Variants in SLMAP observed in about 807,000 individuals in gnomAD.
The protein encoded by SLMAP is sarcolemmal membrane-associated protein.
A neutral mutation model predicts 128.8 loss-of-function variants in SLMAP; 44 were observed. The ratio of observed to expected loss-of-function variants is 0.34; its 90% CI spans 0.27 to 0.44. The LOEUF (loss-of-function observed/expected upper bound fraction) is 0.44. SLMAP is among the 20% of genes least tolerant of loss of function. The pLI is 1.00. For missense variants in SLMAP, 787 were observed against 985.3 expected, an observed-to-expected ratio of 0.80 and a Z score of 2.69; for synonymous variants, 327 against 348.8, an observed-to-expected ratio of 0.94 and a Z score of 0.70.
At chr3:57,912,021 A>G (rs1273695159) in intron 19 of SLMAP, among the ~76,000 whole-genome samples, 6 of 151,360 alleles carry the variant, frequency 4.0e-5, no homozygotes, top group South Asian at 2.1e-4. Flanking sequence ...AATAAGTTAT[A>G]TATACTATAA....
In SLMAP at chr3:57,853,457, C is replaced by T. The variant is rs529217664; in HGVS notation, c.519+3641C>T. ...CTTCTCTGTTGAGGTGTCTCAGAGG[C>T]GTTAGGGTCATAAGTGTTCCTCTGG... On this transcript the variant is annotated intron_variant, in intron 6 of 24. Coordinates refer to ENST00000671191, the MANE Select transcript of SLMAP (RefSeq NM_001377540.1). Among the ~76,000 whole-genome samples, 8 of 152,120 alleles carry T rather than the reference C, an allele frequency of 5.3e-5. No individual in the cohort carries two copies. The East Asian group carries it at 1.2e-3, about 22-fold the overall frequency.
chr3:57,880,625 C>T (rs115666791), intron 14 of SLMAP, among the ~76,000 whole-genome samples: 1,918 of 151,424 alleles, frequency 0.013, 28 homozygotes, highest in African/African-American at 0.044. Context: ...TGCCTGTAAT[C>T]GTATTACTTC....
chr3:57,869,660 A>ATATATATATATATATATAATAT (rs1553900183), intron 13 of SLMAP, among the ~76,000 whole-genome samples: 1 of 81,392 alleles, frequency 1.2e-5, no homozygotes, highest in African/African-American at 4.7e-5. Context: ...ATATATATAT[A>ATATATATATATATATATAATAT]ATATATATAA....
At chr3:57,822,460 G>A (rs560673750) in intron 2 of SLMAP, among the ~76,000 whole-genome samples, 5 of 152,150 alleles carry the variant, frequency 3.3e-5, no homozygotes, top group South Asian at 2.1e-4. Flanking sequence ...TACTGAGCTC[G>A]CATGAACTGT....
chr3:57,887,437 C>A (rs1424690721), intron 14 of SLMAP, among the ~76,000 whole-genome samples: 4 of 152,086 alleles, frequency 2.6e-5, no homozygotes, highest in Admixed American at 6.5e-5. Flanking sequence ...GTCTCGAACT[C>A]CTGACCTCAG....
intron 13 of SLMAP, among the ~76,000 whole-genome samples, chr3:57,869,630 T>TATATATATATATATATATATA (rs2095420048): frequency 1.3e-5 from 1 of 75,474 alleles, no homozygotes; most frequent in African/African-American, 5.0e-5. Flanking sequence ...CCCATCTCTA[T>TATATATATATATATATATATA]TATATATATA....
At chr3:57,760,162 A>G (rs2078332371) in intron 2 of SLMAP, among the ~76,000 whole-genome samples, 1 of 152,138 alleles carries the variant, frequency 6.6e-6, no homozygotes, top group South Asian at 2.1e-4. Context: ...GTGGTCTTGA[A>G]CGCCTGACCT....
At chr3:57,869,659 T>TATATATATATATAA (rs1213782539) in intron 13 of SLMAP, among the ~76,000 whole-genome samples, 5 of 115,424 alleles carry the variant, frequency 4.3e-5, no homozygotes, top group African/African-American at 1.6e-4. Flanking sequence ...TATATATATA[T>TATATATATATATAA]AATATATATA....
chr3:57,871,210 A>G (rs149542973), intron 13 of SLMAP, among the ~76,000 whole-genome samples: 104 of 152,338 alleles, frequency 6.8e-4, no homozygotes, highest in Admixed American at 2.4e-3. Flanking sequence ...ACTTTATGAT[A>G]TTCTTAAAGT....
rs2097045479 is a variant in SLMAP, at chr3:57,928,898, T to C, written c.*1609T>C. ...AAATGACTTGTAGAAAATACTGTCA[T>C]ATAGTTCATTTCATCATTTTCTGTT... On this transcript the variant is annotated 3_prime_UTR_variant, in exon 25 of 25. Transcript: ENST00000671191. The C allele has an allele frequency of 6.6e-6, 1 of 152,618 alleles. No individual in the cohort carries two copies. The highest frequency in any genetic ancestry group is 2.1e-4 in the South Asian group (1 of 4,828). The allele number at this position is 152,618 out of a possible 1,614,324, so 9.5% of individuals were successfully genotyped here. A position where few individuals can be genotyped will look rare whatever the true frequency, so the allele number is the denominator to read the frequency against.
At position 57,849,688 on chromosome 3, in the gene SLMAP, A is replaced by G. The variant is rs114381335; in HGVS notation, c.457-66A>G. ...TATTTAAGTAAGTAGACATTTCAAG[A>G]AATTGGTTTGTCTTTAATGTTCTTT... On this transcript the variant is annotated intron_variant, in intron 5 of 24. Coordinates refer to ENST00000671191, the MANE Select transcript of SLMAP (RefSeq NM_001377540.1). 4.9e-3 allele frequency: 4,201 copies of G among 855,498 alleles called. 106 individuals are homozygous for G. The African/African-American group carries it at 0.063, about 13-fold the overall frequency. 53.0% of individuals were successfully genotyped at this position (855,498 alleles called of 1,614,324 possible). A position where few individuals can be genotyped will look rare whatever the true frequency, so the allele number is the denominator to read the frequency against.
chr3:57,909,681 C>G lies in SLMAP; in HGVS notation c.1699+531C>G, dbSNP rs550081311. ...AGGCTGGAGTACAATGGCGCGGTCTCACCTTACTGCAACCTCCGCCTCCCA... is the reference window on the plus strand; with the variant it reads ...AGGCTGGAGTACAATGGCGCGGTCTGACCTTACTGCAACCTCCGCCTCCCA... On this transcript the variant is annotated intron_variant, in intron 19 of 24. Coordinates refer to ENST00000671191, the MANE Select transcript of SLMAP (RefSeq NM_001377540.1). 1.5e-3 allele frequency among the ~76,000 whole-genome samples: 221 copies of G among 151,758 alleles called. 1 individual carries two copies. The highest frequency in any genetic ancestry group is 4.9e-3 in the African/African-American group (204 of 41,432).
rs557161662 is a variant in SLMAP at position 57,893,748 on chromosome 3, CTT to C, written c.1361-2760_1361-2759del. 7.9e-5 allele frequency among the ~76,000 whole-genome samples: 12 copies of C among 152,242 alleles called. No individual in the cohort carries two copies. The South Asian group carries it at 2.5e-3, about 32-fold the overall frequency. Reference sequence around the variant, plus strand: ...ATATGGAGATTAGATGTATTAGCCTCTTTTATTTGAGAATGTAACTTTGTGAT... The same window carrying C: ...ATATGGAGATTAGATGTATTAGCCTCTTATTTGAGAATGTAACTTTGTGAT... On this transcript the variant is annotated intron_variant, in intron 15 of 24. Coordinates refer to ENST00000671191, the MANE Select transcript of SLMAP (RefSeq NM_001377540.1).
chr3:57,881,911 C>G (rs2095754412), intron 14 of SLMAP, among the ~76,000 whole-genome samples: 1 of 152,054 alleles, frequency 6.6e-6, no homozygotes, highest in Non-Finnish European at 1.5e-5. Context: ...GCCAGAGGAT[C>G]GCTTGAGCCC....
Position 57,831,397 on chromosome 3 carries a change from C to A in SLMAP, c.213C>A (p.Asp71Glu). ...TTTTTTTGCAGTTTTATCTTCAAGA[C>A]ACTAAAAGTAGTAATGGTACTTTTA... ...DHKTGKFYLQDTKSSNGTFIN... is the reference protein window; with the variant it reads ...DHKTGKFYLQETKSSNGTFIN... Residue 71 changes from aspartate (D) to glutamate (E), a missense_variant, in exon 3 of 25, where the codon GAC becomes GAA. Asp to Glu is a conservative substitution (Grantham distance 45). This residue lies in a region of SLMAP where 72 missense variants were observed against 141.8 expected (regional missense o/e 0.51). Coordinates refer to ENST00000671191, the MANE Select transcript of SLMAP (RefSeq NM_001377540.1). The A allele has an allele frequency of 6.5e-7, 1 of 1,537,694 alleles. No homozygotes were observed. Among genetic ancestry groups the A allele is most frequent in the Non-Finnish European group, 8.8e-7 (1 of 1,138,788 alleles).
chr3:57,854,122 T>C (rs1375595419), intron 6 of SLMAP, among the ~76,000 whole-genome samples: 1 of 147,492 alleles, frequency 6.8e-6, no homozygotes, highest in Non-Finnish European at 1.5e-5. Flanking sequence ...TATATATCTT[T>C]GGAGCTGCCA....
At chr3:57,894,073 A>G (rs773677040) in intron 15 of SLMAP, among the ~76,000 whole-genome samples, 1 of 152,182 alleles carries the variant, frequency 6.6e-6, no homozygotes, top group Admixed American at 6.5e-5. Flanking sequence ...ATGGTTTTAG[A>G]TGTGTTTCTA....
At chr3:57,851,960 G>C (rs1216117484) in intron 6 of SLMAP, among the ~76,000 whole-genome samples, 2 of 151,976 alleles carry the variant, frequency 1.3e-5, no homozygotes, top group African/African-American at 4.8e-5. Flanking sequence ...GCCCAGGCTG[G>C]AGTGCGGTGG....
intron 17 of SLMAP, chr3:57,897,203 G>T (rs1015921792): frequency 4.6e-6 from 4 of 873,246 alleles, no homozygotes; most frequent in African/African-American, 1.7e-5. Context: ...GTTTACCCTT[G>T]TGTCTCTAAT....
Sources: allele counts gnomAD v4.1 joint callset (sites outside exome capture counted in the v4.1 genomes callset), GRCh38; gene constraint gnomAD v4.1.1; regional missense constraint gnomAD v4.1.1; transcripts MANE v1.5; gene names NCBI Gene and HGNC (gene_info 2026-07-23, HGNC 2026-07-21).